UACA: variants seen among roughly 807,000 people sequenced by gnomAD.
UACA encodes uveal autoantigen with coiled-coil domains and ankyrin repeats.
UACA carries 112 observed loss-of-function variants against 160.5 expected under a neutral mutation model. The observed-to-expected ratio is 0.70, with a 90% CI of 0.60 to 0.82. UACA has a LOEUF of 0.82. Among genes scored for constraint, UACA ranks in the 40% least tolerant of loss-of-function variants. The pLI is 0.00. For missense variants in UACA, 1,574 were observed against 1,614.6 expected (o/e 0.97, Z 0.43); for synonymous variants, 557 against 568.4 (o/e 0.98, Z 0.29).
intron 1 of UACA, among the ~76,000 whole-genome samples, chr15:70,712,258 C>G (rs1348453846): frequency 6.6e-6 from 1 of 151,992 alleles, no homozygotes; most frequent in Admixed American, 6.5e-5. Flanking sequence ...TGACACCTTC[C>G]TTTCCTTGGT....
intron 1 of UACA, among the ~76,000 whole-genome samples, chr15:70,722,951 T>C (rs1899035436): frequency 6.6e-6 from 1 of 152,176 alleles, no homozygotes; most frequent in Non-Finnish European, 1.5e-5. Context: ...ATAGAATTTG[T>C]CCAGAAAGAA....
At chr15:70,711,409 C>A (rs1898677546) in intron 1 of UACA, among the ~76,000 whole-genome samples, 1 of 151,690 alleles carries the variant, frequency 6.6e-6, no homozygotes, top group South Asian at 2.1e-4. Context: ...CACCTGTAAT[C>A]CTACCACTTT....
At chr15:70,665,371 A>C (rs1896867711) in intron 16 of UACA, among the ~76,000 whole-genome samples, 2 of 152,224 alleles carry the variant, frequency 1.3e-5, no homozygotes, top group South Asian at 4.1e-4. Context: ...GACAGAGTCA[A>C]CTTGTATGAG....
rs1896438851 is a variant in UACA at position 70,654,855 on chromosome 15, C to T, written c.*2201G>A. Reference sequence around the variant, plus strand: ...AGCATTGTCCATTATCTATGTTCCGCTTGTTTACTAATTAAAAAGCTTTGG... The same window carrying T: ...AGCATTGTCCATTATCTATGTTCCGTTTGTTTACTAATTAAAAAGCTTTGG... On this transcript the variant is annotated 3_prime_UTR_variant, in exon 19 of 19. Transcript: ENST00000322954. 1.3e-5 allele frequency: 2 copies of T among 152,196 alleles called. No individual in the cohort carries two copies. The highest frequency in any genetic ancestry group is 2.9e-5 in the Non-Finnish European group (2 of 68,038). The allele number at this position is 152,196 out of a possible 1,614,324, so 9.4% of individuals were successfully genotyped here. A position where few individuals can be genotyped will look rare whatever the true frequency, so the allele number is the denominator to read the frequency against.
At chr15:70,690,605 A>G (rs1897899749) in intron 4 of UACA, 94 bp from the exon 5 acceptor site, 1 of 939,982 alleles carries the variant, frequency 1.1e-6, no homozygotes, top group Non-Finnish European at 1.6e-6. Context: ...TAATCTTAAA[A>G]TATTCCACTT....
At chr15:70,708,343 T>G (rs1260961348) in intron 1 of UACA, among the ~76,000 whole-genome samples, 1 of 152,198 alleles carries the variant, frequency 6.6e-6, no homozygotes, top group African/African-American at 2.4e-5. Context: ...TAAAGATCAG[T>G]TGCATAACAA....
At chr15:70,707,194 C>T (rs1898545721) in intron 1 of UACA, among the ~76,000 whole-genome samples, 1 of 152,166 alleles carries the variant, frequency 6.6e-6, no homozygotes, top group South Asian at 2.1e-4. Context: ...AAAGAACAAT[C>T]TCCTCAACAG....
chr15:70,667,207 T>C lies in UACA; in HGVS notation c.3477A>G (p.Gln1159=). ...CTGCCAGGGGTACAGAAGAGTTCTTTTGATTCTCCAACAATTGATGCAGTT... is the reference window on the plus strand; with the variant it reads ...CTGCCAGGGGTACAGAAGAGTTCTTCTGATTCTCCAACAATTGATGCAGTT... ...VTKLHQLLEN[Q]KNSSVPLAEH... is the part of the protein sequence containing the mutation. The change falls in exon 16 of 19, where the codon CAA becomes CAG. Residue 1159 remains glutamine (Q), a synonymous_variant. Coordinates refer to ENST00000322954, the MANE Select transcript of UACA (RefSeq NM_018003.4). The C allele has an allele frequency of 1.2e-6, 2 of 1,613,988 alleles. No individual in the cohort carries two copies. Among genetic ancestry groups the C allele is most frequent in the South Asian group, 2.2e-5 (2 of 91,068 alleles).
rs1167760889 is a variant in UACA at position 70,667,757 on chromosome 15, G to A, written c.2927C>T (p.Thr976Ile). ...EIKAQKKELDTIQECIKVKYA... is the reference protein window; with the variant it reads ...EIKAQKKELDIIQECIKVKYA... ...TTTTACCTTAATGCATTCTTGTATT[G>A]TGTCGAGCTCCTTCTTCTGGGCTTT... Residue 976 changes from threonine to isoleucine, a missense_variant, in exon 16 of 19, where the codon ACA becomes ATA. Coordinates refer to ENST00000322954, the MANE Select transcript of UACA (RefSeq NM_018003.4). The A allele has an allele frequency of 6.2e-7, 1 of 1,613,864 alleles. No homozygotes were observed. The highest frequency in any genetic ancestry group is 8.5e-7 in the Non-Finnish European group (1 of 1,179,976).
In UACA at chr15:70,664,720, T is replaced by C; in HGVS notation, c.4055A>G (p.Gln1352Arg). ...TYTSGNPTKR[Q>R]SQLIDTLQHQ... ...CTGCAGAGTGTCAATCAGCTGGCTC[T>C]GCCTCTTGGTGGGGTTCCCACTTGT... The change falls in exon 17 of 19, where the codon CAG becomes CGG. Residue 1352 changes from glutamine (Q) to arginine (R), a missense_variant. By Grantham distance (43) the Gln-to-Arg change is conservative (BLOSUM62 1). Coordinates refer to ENST00000322954, the MANE Select transcript of UACA (RefSeq NM_018003.4). The C allele has an allele frequency of 1.2e-6, 2 of 1,613,668 alleles. No homozygotes were observed. Among genetic ancestry groups the C allele is most frequent in the Non-Finnish European group, 1.7e-6 (2 of 1,179,816 alleles).
At chr15:70,676,716 T>C (rs1305971557) in intron 12 of UACA, 125 bp from the exon 13 acceptor site, 4 of 702,950 alleles carry the variant, frequency 5.7e-6, no homozygotes, top group Non-Finnish European at 9.5e-6. Context: ...TCCAACCTGG[T>C]GAACTTTAAC....
chr15:70,679,637 A>G lies in UACA; in HGVS notation c.862T>C (p.Ser288Pro). 2 of 1,589,838 alleles carry G rather than the reference A, an allele frequency of 1.3e-6. No homozygotes were observed. Among genetic ancestry groups the G allele is most frequent in the Non-Finnish European group, 1.7e-6 (2 of 1,168,720 alleles). Residue 288 changes from serine (S) to proline (P), a missense_variant, in exon 10 of 19, where the codon TCA (serine) becomes CCA (proline). Coordinates refer to ENST00000322954, the MANE Select transcript of UACA (RefSeq NM_018003.4). Reference sequence around the variant, plus strand: ...ATATTTTGATGCTCCCTCTGATGTGACTTCACATTTACTTCATCTTGCATG... The same window carrying G: ...ATATTTTGATGCTCCCTCTGATGTGGCTTCACATTTACTTCATCTTGCATG... ...THMQDEVNVK[S>P]HQREHQNIQD...
chr15:70,718,903 A>G (rs1208362722), intron 1 of UACA, among the ~76,000 whole-genome samples: 1 of 152,212 alleles, frequency 6.6e-6, no homozygotes, highest in African/African-American at 2.4e-5. Flanking sequence ...ACTGTCACAT[A>G]AAAAATTGAA....
intron 7 of UACA, among the ~76,000 whole-genome samples, chr15:70,686,555 A>T: frequency 6.8e-6 from 1 of 146,368 alleles, no homozygotes; most frequent in East Asian, 2.0e-4. Context: ...GGTTAGTTAC[A>T]TATGTATACA....
At chr15:70,747,523 C>T (rs1295764171) in intron 1 of UACA, among the ~76,000 whole-genome samples, 1 of 152,074 alleles carries the variant, frequency 6.6e-6, no homozygotes, top group African/African-American at 2.4e-5. Flanking sequence ...ACACACCTGG[C>T]TAATTTTTTT....
chr15:70,667,547 T>A lies in UACA; in HGVS notation c.3137A>T (p.Asp1046Val). The change falls in exon 16 of 19, where the codon GAT (aspartate) becomes GTT (valine). Residue 1046 changes from aspartate to valine, a missense_variant. Transcript: ENST00000322954. ...EIFTLQKDLR[D>V]KTVLIEKSHE... ...AGACTTCTCAATGAGAACTGTCTTA[T>A]CTCTCAAATCTTTCTGAAGGGTAAA... The A allele has an allele frequency of 6.2e-7, 1 of 1,613,118 alleles. No individual in the cohort carries two copies. Among genetic ancestry groups the A allele is most frequent in the Non-Finnish European group, 8.5e-7 (1 of 1,179,972 alleles).
rs1897309816 is a variant in UACA, at chr15:70,676,589, T to C, written c.1035A>G (p.Arg345=). Residue 345 remains arginine (R), a splice_region_variant and synonymous_variant, in exon 13 of 19, where the codon AGA becomes AGG. Transcript: ENST00000322954. ...CTGCCAAAAGGGACTTCAGCTTTTC[T>C]CTCTGAAATGAAACAGAATAAATAC... ...VMVADDLESE[R]EKLKSLLAAK... 2 of 1,610,620 alleles carry C rather than the reference T, an allele frequency of 1.2e-6. No individual in the cohort carries two copies. The highest frequency in any genetic ancestry group is 1.7e-6 in the Non-Finnish European group (2 of 1,178,288).
At chr15:70,717,770 A>C (rs1269051675) in intron 1 of UACA, among the ~76,000 whole-genome samples, 1 of 152,200 alleles carries the variant, frequency 6.6e-6, no homozygotes, top group Non-Finnish European at 1.5e-5. Flanking sequence ...TTGGACAGAT[A>C]CAAGCACAGA....
rs537511965 is a variant in UACA, at chr15:70,663,607, T to C, written c.4113+1055A>G. ...CGGCACTGTTCACAATAGCAAGGAC[T>C]TGGAACCAACCCAAATGTCCAACAA... On this transcript the variant is annotated intron_variant, in intron 17 of 18. Transcript: ENST00000322954. Among the ~76,000 whole-genome samples the C allele has an allele frequency of 2.0e-5, 3 of 152,174 alleles. No individual in the cohort carries two copies. The South Asian group carries it at 6.2e-4, about 32-fold the overall frequency.
Sources: allele counts gnomAD v4.1 joint callset (sites outside exome capture counted in the v4.1 genomes callset), GRCh38; gene constraint gnomAD v4.1.1; transcripts MANE v1.5; gene names NCBI Gene and HGNC (gene_info 2026-07-23, HGNC 2026-07-21).